Variants in SPIRE1 observed in about 807,000 individuals in gnomAD.
SPIRE1 encodes the protein spire type actin nucleation factor 1.
In SPIRE1, 40 loss-of-function variants were observed where a neutral mutation model predicts 94.1. The ratio of observed to expected loss-of-function variants is 0.43; its 90% CI spans 0.33 to 0.55. The LOEUF (loss-of-function observed/expected upper bound fraction) is 0.55. Ranked by LOEUF, SPIRE1 falls within the 20% of genes least tolerant of loss-of-function variation. The pLI is 0.06. For missense variants in SPIRE1, 838 were observed against 975.2 expected (o/e 0.86, Z 1.87); for synonymous variants, 376 against 371.7 (o/e 1.01, Z -0.13).
At chr18:12,589,228 G>C (rs1598501413) in intron 2 of SPIRE1, among the ~76,000 whole-genome samples, 1 of 152,140 alleles carries the variant, frequency 6.6e-6, no homozygotes, top group Non-Finnish European at 1.5e-5. Flanking sequence ...AAAGTAACTA[G>C]AGACTAAGTA....
intron 2 of SPIRE1, among the ~76,000 whole-genome samples, chr18:12,594,333 G>A (rs1785582170): frequency 1.3e-5 from 2 of 151,986 alleles, no homozygotes; most frequent in East Asian, 1.9e-4. Flanking sequence ...AAGCAATGGG[G>A]GGATCAGTTA....
At chr18:12,483,986 A>G (rs994180102) in intron 9 of SPIRE1, among the ~76,000 whole-genome samples, 1 of 152,212 alleles carries the variant, frequency 6.6e-6, no homozygotes, top group Non-Finnish European at 1.5e-5. Context: ...GAAACCAAAT[A>G]AAAATTCTCT....
chr18:12,568,867 A>G (rs2144447338), intron 2 of SPIRE1, among the ~76,000 whole-genome samples: 1 of 148,750 alleles, frequency 6.7e-6, no homozygotes, highest in Non-Finnish European at 1.5e-5. Flanking sequence ...ATTCCAACAG[A>G]TCACTGTAGT....
At chr18:12,658,239 C>T (rs1348824423), upstream of SPIRE1, 2 of 480,242 alleles carry the variant, frequency 4.2e-6, no homozygotes, top group South Asian at 1.6e-5. Context: ...CGCCTCGAGG[C>T]GAGATGGCCG....
intron 3 of SPIRE1, among the ~76,000 whole-genome samples, chr18:12,545,156 G>A (rs1459833489): frequency 1.3e-5 from 2 of 152,092 alleles, no homozygotes; most frequent in Non-Finnish European, 2.9e-5. Flanking sequence ...CTTTAAGTGT[G>A]TTTACATGTT....
chr18:12,451,205 TA>T (rs2031221433), intron 16 of SPIRE1, among the ~76,000 whole-genome samples: 1 of 152,182 alleles, frequency 6.6e-6, no homozygotes, highest in African/African-American at 2.4e-5. Flanking sequence ...GAAATTCAAG[TA>T]AATTTATCTT....
At chr18:12,601,431 C>G (rs994514266) in intron 2 of SPIRE1, among the ~76,000 whole-genome samples, 3 of 151,808 alleles carry the variant, frequency 2.0e-5, no homozygotes, top group Admixed American at 6.6e-5. Context: ...TCAAAAAAAA[C>G]GAAAACAAAA....
Position 12,648,905 on chromosome 18 carries a change from A to G in SPIRE1, c.337+8625T>C, listed in dbSNP as rs67139453. On this transcript the variant is annotated intron_variant, in intron 1 of 16. Transcript: ENST00000409402. ...AACTCCGTCTCAAAAAAAAAAAAAA[A>G]AAAAAAGAAAAAGGACATTAATAGA... is the stretch of plus-strand genomic sequence containing the variant. Among the ~76,000 whole-genome samples, 546 of 148,074 alleles carry G rather than the reference A, an allele frequency of 3.7e-3. 1 individual carries two copies. Among genetic ancestry groups the G allele is most frequent in the Non-Finnish European group, 5.8e-3 (383 of 66,378 alleles).
intron 1 of SPIRE1, among the ~76,000 whole-genome samples, chr18:12,638,518 T>C (rs1343389182): frequency 6.6e-6 from 1 of 152,174 alleles, no homozygotes; most frequent in East Asian, 1.9e-4. Flanking sequence ...TTGCACATAA[T>C]GACACAGAGT....
intron 2 of SPIRE1, among the ~76,000 whole-genome samples, chr18:12,591,885 C>T (rs934949582): frequency 2.8e-5 from 4 of 141,498 alleles, no homozygotes; most frequent in East Asian, 2.2e-4. Flanking sequence ...AGGAGAATGG[C>T]GTGAACCTGG....
At chr18:12,661,406 A>G (rs2038693504), upstream of SPIRE1, 1 of 964,226 alleles carries the variant, frequency 1.0e-6, no homozygotes, top group Non-Finnish European at 1.2e-6. Context: ...AGCCATTGAT[A>G]TCTTCTCAGT....
intron 2 of SPIRE1, among the ~76,000 whole-genome samples, chr18:12,567,849 T>G (rs1445525394): frequency 2.0e-5 from 3 of 152,338 alleles, no homozygotes; most frequent in Non-Finnish European, 2.9e-5. Flanking sequence ...CTTTCCTGCT[T>G]ATACAAATCA....
intron 5 of SPIRE1, among the ~76,000 whole-genome samples, chr18:12,510,987 T>C (rs1167932249): frequency 6.6e-6 from 1 of 152,208 alleles, no homozygotes; most frequent in Non-Finnish European, 1.5e-5. Flanking sequence ...TAGATATTCA[T>C]GTGTCACATG....
intron 12 of SPIRE1, among the ~76,000 whole-genome samples, chr18:12,457,406 G>A (rs1455529238): frequency 6.6e-6 from 1 of 152,222 alleles, no homozygotes. Context: ...ATCTCGCAGA[G>A]CTATTAGCAC....
In SPIRE1 at chr18:12,451,026, G is replaced by GGGA. The variant is rs532972302; in HGVS notation, c.2013-1133_2013-1131dup. ...GAACAAGATGAAAAGGAAGAAGGAG[G>GGGA]GGAGGAGGAGGAGGAGGAGGAGGAT... On this transcript the variant is annotated intron_variant, in intron 16 of 16. Transcript: ENST00000409402. 2.1e-3 allele frequency: 1,122 copies of GGGA among 528,472 alleles called. 6 individuals carry two copies. Among genetic ancestry groups the GGGA allele is most frequent in the South Asian group, 6.7e-3 (347 of 51,864 alleles). The allele number at this position is 528,472 out of a possible 1,614,324, so 32.7% of individuals were successfully genotyped here. A position where few individuals can be genotyped will look rare whatever the true frequency, so the allele number is the denominator to read the frequency against.
chr18:12,613,611 C>T (rs919767665), intron 2 of SPIRE1, among the ~76,000 whole-genome samples: 3 of 152,162 alleles, frequency 2.0e-5, no homozygotes, highest in Admixed American at 6.5e-5. Context: ...TAATAATTTT[C>T]GTATCTGGCC....
chr18:12,614,002 G>T (rs1224722562), intron 2 of SPIRE1, among the ~76,000 whole-genome samples: 1 of 152,190 alleles, frequency 6.6e-6, no homozygotes. Context: ...CACACACACT[G>T]CAATCCCAAC....
At chr18:12,457,020 G>C (rs146732835) in intron 12 of SPIRE1, among the ~76,000 whole-genome samples, 78 of 143,168 alleles carry the variant, frequency 5.4e-4, no homozygotes, top group African/African-American at 1.9e-3. Flanking sequence ...GTGTAGAGAT[G>C]GGGGTTCGCC....
chr18:12,506,443 G>A (rs375022164), intron 6 of SPIRE1, 34 bp downstream of exon 6: 20 of 1,605,600 alleles, frequency 1.2e-5, no homozygotes, highest in Middle Eastern at 1.7e-4. Flanking sequence ...ACAGGAGTGA[G>A]CCACATGCCC....
Sources: allele counts gnomAD v4.1 joint callset (sites outside exome capture counted in the v4.1 genomes callset), GRCh38; gene constraint gnomAD v4.1.1; transcripts MANE v1.5; gene names NCBI Gene and HGNC (gene_info 2026-07-23, HGNC 2026-07-21).